Variants in DGKB observed in about 807,000 individuals in gnomAD.
DGKB encodes the protein diacylglycerol kinase beta.
DGKB carries 67 observed loss-of-function variants against 114.3 expected under a neutral mutation model. The observed-to-expected ratio is 0.59, with a 90% CI of 0.48 to 0.72. The LOEUF is 0.72. Ranked by LOEUF, DGKB falls within the 30% of genes least tolerant of loss-of-function variation. DGKB has a pLI of 0.00. For missense variants in DGKB, 907 were observed against 975.2 expected, an observed-to-expected ratio of 0.93 and a Z score of 0.93; for synonymous variants, 398 against 323.1, an observed-to-expected ratio of 1.23 and a Z score of -2.49.
In DGKB at chr7:14,801,998, G is replaced by T. The variant is rs143831226; in HGVS notation, c.70+39196C>A. Among the ~76,000 whole-genome samples the T allele has an allele frequency of 6.6e-3, 1,000 of 151,062 alleles. 8 individuals are homozygous for T. Among genetic ancestry groups the T allele is most frequent in the Non-Finnish European group, 0.011 (751 of 67,770 alleles). ...ACACACATACGTATATATGTTTCTG[G>T]TTTTGTTTTCCTGGAGAGAAACACA... is the stretch of plus-strand genomic sequence containing the variant. On this transcript the variant is annotated intron_variant, in intron 2 of 25. Coordinates refer to ENST00000402815, the MANE Select transcript of DGKB (RefSeq NM_001350709.2).
chr7:14,231,091 CT>C (rs879356476), intron 23 of DGKB, among the ~76,000 whole-genome samples: 1 of 75,366 alleles, frequency 1.3e-5, no homozygotes, highest in Non-Finnish European at 2.6e-5. Flanking sequence ...CCCTTTCTTT[CT>C]TTCTTTCTTT....
chr7:14,417,751 T>C (rs1825933277), intron 21 of DGKB, among the ~76,000 whole-genome samples: 1 of 151,918 alleles, frequency 6.6e-6, no homozygotes, highest in Non-Finnish European at 1.5e-5. Context: ...TGACTGCTAG[T>C]AAATAATTAA....
intron 20 of DGKB, among the ~76,000 whole-genome samples, chr7:14,512,568 C>A (rs944332231): frequency 6.6e-6 from 1 of 151,866 alleles, no homozygotes; most frequent in Non-Finnish European, 1.5e-5. Flanking sequence ...TTTAATTTTT[C>A]TTAAATCATT....
At chr7:14,421,041 G>A (rs1220204605) in intron 21 of DGKB, among the ~76,000 whole-genome samples, 7 of 152,006 alleles carry the variant, frequency 4.6e-5, no homozygotes, top group Admixed American at 3.3e-4. Flanking sequence ...TTTGCATAAG[G>A]TGCCAATCCA....
intron 2 of DGKB, among the ~76,000 whole-genome samples, chr7:14,782,762 T>C (rs142542790): frequency 1.3e-5 from 2 of 152,266 alleles, no homozygotes; most frequent in East Asian, 3.9e-4. Flanking sequence ...TATTCGAGGT[T>C]AGTGTAAAGG....
intron 17 of DGKB, among the ~76,000 whole-genome samples, chr7:14,603,276 G>A (rs1803893745): frequency 1.3e-5 from 2 of 152,080 alleles, no homozygotes; most frequent in East Asian, 3.9e-4. Flanking sequence ...GATTAATCAT[G>A]AGAAGGATAG....
At position 14,859,364 on chromosome 7, in the gene DGKB, A is replaced by G. The variant is rs149982475; in HGVS notation, c.-187-17914T>C. Reference sequence around the variant, plus strand: ...GATTTGATTTCCCAGTTATATGTGAAAGCCACAAAATGTTATTACTTCATT... The same window carrying G: ...GATTTGATTTCCCAGTTATATGTGAGAGCCACAAAATGTTATTACTTCATT... On this transcript the variant is annotated intron_variant, in intron 1 of 25. Coordinates refer to ENST00000402815, the MANE Select transcript of DGKB (RefSeq NM_001350709.2). 2.4e-3 allele frequency among the ~76,000 whole-genome samples: 365 copies of G among 152,256 alleles called. 2 individuals carry two copies. The highest frequency in any genetic ancestry group is 8.3e-3 in the African/African-American group (347 of 41,564).
At chr7:14,903,629 C>G (rs952352303), upstream of DGKB, among the ~76,000 whole-genome samples, 1 of 152,140 alleles carries the variant, frequency 6.6e-6, no homozygotes, top group Non-Finnish European at 1.5e-5. Context: ...TGCTGCATTC[C>G]GGCTTGGTAA....
At chr7:14,932,046 G>T (rs1292781964) in intron 1 of DGKB, among the ~76,000 whole-genome samples, 2 of 152,158 alleles carry the variant, frequency 1.3e-5, no homozygotes, top group Non-Finnish European at 2.9e-5. Flanking sequence ...GATTGAAAAT[G>T]ACACTCCAGA....
In DGKB at chr7:14,350,138, T is replaced by C. The variant is rs182403381; in HGVS notation, c.1836-4747A>G. Among the ~76,000 whole-genome samples, 393 of 152,274 alleles carry C rather than the reference T, an allele frequency of 2.6e-3. 10 individuals carry two copies. The highest frequency in any genetic ancestry group is 0.02 in the Admixed American group (309 of 15,288). On this transcript the variant is annotated intron_variant, in intron 21 of 25. Transcript: ENST00000402815. The stretch of plus-strand genomic sequence containing the variant: ...AAAGACGAAGAAATTGGCTCCCATT[T>C]ACCTGGAATTTTCATACGAACTGTA...
chr7:14,854,532 A>C (rs1586931765), intron 1 of DGKB, among the ~76,000 whole-genome samples: 1 of 152,176 alleles, frequency 6.6e-6, no homozygotes, highest in Non-Finnish European at 1.5e-5. Flanking sequence ...TCTCATAAGG[A>C]GTACATAACC....
chr7:14,480,357 G>T (rs75838759), intron 20 of DGKB, among the ~76,000 whole-genome samples: 1 of 152,052 alleles, frequency 6.6e-6, no homozygotes, highest in South Asian at 2.1e-4. Flanking sequence ...TGTTGAATAG[G>T]TTCCACCATA....
intron 4 of DGKB, among the ~76,000 whole-genome samples, chr7:14,746,423 A>G (rs1833293722): frequency 6.6e-6 from 1 of 152,192 alleles, no homozygotes; most frequent in Admixed American, 6.5e-5. Context: ...CATAATATAT[A>G]AAATAAATAA....
chr7:14,856,997 T>C (rs564106758), intron 1 of DGKB, among the ~76,000 whole-genome samples: 72 of 152,222 alleles, frequency 4.7e-4, no homozygotes, highest in African/African-American at 1.7e-3. Context: ...TCCTGACCAA[T>C]AGAACATGGC....
intron 1 of DGKB, among the ~76,000 whole-genome samples, chr7:14,898,491 G>C (rs1782470935): frequency 6.6e-6 from 1 of 152,050 alleles, no homozygotes; most frequent in African/African-American, 2.4e-5. Context: ...TATCCCATAA[G>C]GGTATGATCA....
intron 13 of DGKB, among the ~76,000 whole-genome samples, chr7:14,638,764 G>A (rs574199423): frequency 2.6e-5 from 4 of 152,262 alleles, no homozygotes; most frequent in Non-Finnish European, 4.4e-5. Context: ...AGTGAGGGCC[G>A]GGTGCAGTGG....
At chr7:14,733,267 G>T in intron 5 of DGKB, among the ~76,000 whole-genome samples, 1 of 152,126 alleles carries the variant, frequency 6.6e-6, no homozygotes, top group Non-Finnish European at 1.5e-5. Context: ...TCTAAGAAGA[G>T]AAAAATGATG....
chr7:14,325,366 T>C (rs552781492), intron 23 of DGKB, among the ~76,000 whole-genome samples: 16 of 152,218 alleles, frequency 1.1e-4, no homozygotes, highest in African/African-American at 3.6e-4. Context: ...TGAGCGATGG[T>C]AGATGTGCAA....
At chr7:14,572,502 T>C (rs1412729838) in intron 20 of DGKB, among the ~76,000 whole-genome samples, 1 of 150,718 alleles carries the variant, frequency 6.6e-6, no homozygotes, top group Non-Finnish European at 1.5e-5. Flanking sequence ...TAACAATGAC[T>C]CTCCAAATAG....
Sources: allele counts gnomAD v4.1 joint callset (sites outside exome capture counted in the v4.1 genomes callset), GRCh38; gene constraint gnomAD v4.1.1; transcripts MANE v1.5; gene names NCBI Gene and HGNC (gene_info 2026-07-23, HGNC 2026-07-21).